The following MIB1 variants were observed in gnomAD, a reference collection of about 807,000 sequenced individuals.
MIB1 encodes E3 ubiquitin-protein ligase MIB1.
A neutral mutation model predicts 124.5 loss-of-function variants in MIB1; 278 were observed. The observed-to-expected ratio is 2.23, with a 90% CI of 2.02 to 2.47. The LOEUF is 2.47. MIB1 is among the 30% of genes most tolerant of loss of function. The probability of loss-of-function intolerance (pLI) is 0.00; values close to 1 mark genes in which losing one functional copy is unlikely to be tolerated. For missense variants in MIB1, 957 were observed against 1,254.4 expected (o/e 0.76, Z 3.58); for synonymous variants, 446 against 429.4 (o/e 1.04, Z -0.48).
intron 12 of MIB1, chr18:21,825,348 T>A (rs778800438): frequency 2.0e-4 from 55 of 277,988 alleles, no homozygotes; most frequent in Non-Finnish European, 2.9e-4. Context: ...TTCAGGTGGG[T>A]TTTAGGTGAC....
intron 7 of MIB1, among the ~76,000 whole-genome samples, chr18:21,791,818 A>T (rs1439078227): frequency 6.6e-6 from 1 of 152,158 alleles, no homozygotes; most frequent in African/African-American, 2.4e-5. Flanking sequence ...GCAAGTCAGC[A>T]GTGGTTTTTC....
chr18:21,854,388 G>A (rs770540504), intron 18 of MIB1, among the ~76,000 whole-genome samples: 6 of 152,178 alleles, frequency 3.9e-5, no homozygotes, highest in Non-Finnish European at 1.5e-5. Flanking sequence ...GGGCCTGACT[G>A]TGTTCAATAA....
At chr18:21,803,349 T>C (rs1211404898) in intron 9 of MIB1, among the ~76,000 whole-genome samples, 4 of 152,196 alleles carry the variant, frequency 2.6e-5, no homozygotes, top group Non-Finnish European at 4.4e-5. Flanking sequence ...GGGTTAGTTA[T>C]ACATGTCCAC....
chr18:21,725,429 G>A (rs1482865908), intron 1 of MIB1, among the ~76,000 whole-genome samples: 3 of 152,122 alleles, frequency 2.0e-5, no homozygotes. Context: ...TGAGGTTGTG[G>A]TCCCTAGTCC....
chr18:21,823,401 TAAAA>T (rs757621455), intron 12 of MIB1, among the ~76,000 whole-genome samples: 3 of 128,494 alleles, frequency 2.3e-5, no homozygotes, highest in Non-Finnish European at 5.0e-5. Context: ...ACCCTGTCTC[TAAAA>T]AAAAAAAAAA....
intron 1 of MIB1, among the ~76,000 whole-genome samples, chr18:21,708,221 C>T (rs893263048): frequency 1.3e-5 from 2 of 152,180 alleles, no homozygotes; most frequent in African/African-American, 4.8e-5. Flanking sequence ...TAAAAAACAG[C>T]TCTGAACTTA....
At chr18:21,715,663 T>TA (rs1203100071) in intron 1 of MIB1, among the ~76,000 whole-genome samples, 2 of 150,736 alleles carry the variant, frequency 1.3e-5, no homozygotes, top group East Asian at 2.0e-4. Flanking sequence ...ATATCATAAA[T>TA]AAAAAAAATC....
At chr18:21,777,802 C>T (rs2041308564) in intron 4 of MIB1, among the ~76,000 whole-genome samples, 1 of 152,144 alleles carries the variant, frequency 6.6e-6, no homozygotes, top group South Asian at 2.1e-4. Flanking sequence ...AAGTGATCCG[C>T]CCATCTTGGC....
intron 16 of MIB1, among the ~76,000 whole-genome samples, chr18:21,848,471 T>G (rs1380681891): frequency 6.6e-6 from 1 of 151,992 alleles, no homozygotes. Context: ...AATCTATAAA[T>G]ATAAAGATAT....
chr18:21,837,422 G>T (rs942204524), intron 12 of MIB1, among the ~76,000 whole-genome samples: 5 of 152,184 alleles, frequency 3.3e-5, no homozygotes, highest in Non-Finnish European at 7.3e-5. Flanking sequence ...GCAGGAGAAT[G>T]ACATGAACCC....
At chr18:21,748,394 C>CCTCCCTCT (rs1395214604) in intron 1 of MIB1, among the ~76,000 whole-genome samples, 12 of 113,522 alleles carry the variant, frequency 1.1e-4, no homozygotes, top group Admixed American at 1.8e-4. Context: ...CTCTCTCCCC[C>CCTCCCTCT]CTCCCTCTCT....
chr18:21,806,205 A>AT (rs1228812095), intron 10 of MIB1, among the ~76,000 whole-genome samples: 4,711 of 138,162 alleles, frequency 0.034, 267 homozygotes, highest in African/African-American at 0.11. Flanking sequence ...GCCTGGCCAG[A>AT]TTTTTTTTTT....
intron 12 of MIB1, chr18:21,831,377 C>T (rs182584290): frequency 2.5e-4 from 38 of 151,180 alleles, no homozygotes; most frequent in Admixed American, 2.3e-3. Context: ...CACATGGTCA[C>T]TACGAGGCTA....
At chr18:21,838,626 A>C (rs1349622368) in intron 13 of MIB1, 129 bp downstream of exon 13, 11 of 653,322 alleles carry the variant, frequency 1.7e-5, no homozygotes, top group Non-Finnish European at 2.3e-5. Flanking sequence ...CATGATGATG[A>C]AAATTCAGAT....
At chr18:21,779,459 T>C in intron 5 of MIB1, 22 bp from the exon 6 acceptor site, 1 of 1,606,192 alleles carries the variant, frequency 6.2e-7, no homozygotes, top group Non-Finnish European at 8.5e-7. Context: ...CTCCCTTTAT[T>C]CAATTGCCTC....
At chr18:21,814,501 T>C (rs2041807056) in intron 10 of MIB1, among the ~76,000 whole-genome samples, 1 of 152,036 alleles carries the variant, frequency 6.6e-6, no homozygotes, top group African/African-American at 2.4e-5. Flanking sequence ...GAGAATTTAT[T>C]AAGGCCAGGA....
intron 7 of MIB1, among the ~76,000 whole-genome samples, chr18:21,797,229 A>G (rs2041593191): frequency 6.6e-6 from 1 of 152,090 alleles, no homozygotes. Flanking sequence ...TGGGTAGGGG[A>G]ATAAAGGAAA....
intron 20 of MIB1, 23 bp downstream of exon 20, chr18:21,858,669 A>C: frequency 8.3e-7 from 1 of 1,207,224 alleles, no homozygotes; most frequent in South Asian, 1.2e-5. Flanking sequence ...TCATGTAAAC[A>C]GTGATGCTGT....
intron 1 of MIB1, among the ~76,000 whole-genome samples, chr18:21,764,664 C>A (rs1189773759): frequency 2.6e-5 from 4 of 152,004 alleles, no homozygotes; most frequent in African/African-American, 9.7e-5. Flanking sequence ...CCAACTTCAG[C>A]ACGGCTAATC....
Sources: allele counts gnomAD v4.1 joint callset (sites outside exome capture counted in the v4.1 genomes callset), GRCh38; gene constraint gnomAD v4.1.1; transcripts MANE v1.5; gene names NCBI Gene and HGNC (gene_info 2026-07-23, HGNC 2026-07-21).